GRB10: variants seen among roughly 807,000 people sequenced by gnomAD.
GRB10 encodes the protein growth factor receptor bound protein 10.
GRB10 carries 20 observed loss-of-function variants against 80.9 expected under a neutral mutation model. The observed-to-expected ratio is 0.25, with a 90% CI of 0.17 to 0.36. The LOEUF (loss-of-function observed/expected upper bound fraction) is 0.36. GRB10 is among the 10% of genes least tolerant of loss of function. The pLI is 1.00. For missense variants in GRB10, 548 were observed against 747.7 expected (o/e 0.73, Z 3.12); for synonymous variants, 291 against 291.5 (o/e 1.00, Z 0.02).
intron 5 of GRB10, among the ~76,000 whole-genome samples, chr7:50,686,540 A>G (rs1033150097): frequency 6.6e-6 from 1 of 152,232 alleles, no homozygotes; most frequent in African/African-American, 2.4e-5. Context: ...TTTGATGAAC[A>G]AAGTATGGAA....
intron 7 of GRB10, among the ~76,000 whole-genome samples, chr7:50,657,290 CAG>C (rs2058741058): frequency 6.6e-6 from 1 of 152,226 alleles, no homozygotes; most frequent in South Asian, 2.1e-4. Context: ...GTTCAATGGT[CAG>C]AGTCAAAAGG....
chr7:50,729,995 G>C (rs557594243), intron 4 of GRB10, among the ~76,000 whole-genome samples: 1 of 152,114 alleles, frequency 6.6e-6, no homozygotes, highest in South Asian at 2.1e-4. Flanking sequence ...CCAGGCGCCG[G>C]GTAATTTAGA....
chr7:50,775,795 T>C (rs186945945), intron 2 of GRB10, among the ~76,000 whole-genome samples: 4 of 152,360 alleles, frequency 2.6e-5, no homozygotes, highest in Admixed American at 2.6e-4. Flanking sequence ...CTTAGCGCCA[T>C]GTGGATGCCA....
At chr7:50,657,915 T>A (rs1386733311) in intron 7 of GRB10, among the ~76,000 whole-genome samples, 1 of 152,184 alleles carries the variant, frequency 6.6e-6, no homozygotes, top group African/African-American at 2.4e-5. Context: ...ACATTTTTAT[T>A]ACTCAAACTA....
chr7:50,751,714 T>C (rs781770295), intron 3 of GRB10, among the ~76,000 whole-genome samples: 9 of 152,244 alleles, frequency 5.9e-5, no homozygotes, highest in Non-Finnish European at 1.3e-4. Flanking sequence ...CTCAATGTAT[T>C]GTATCTAAAT....
At chr7:50,655,963 G>A (rs1347344972) in intron 7 of GRB10, among the ~76,000 whole-genome samples, 2 of 152,224 alleles carry the variant, frequency 1.3e-5, no homozygotes, top group African/African-American at 4.8e-5. Context: ...CTGTGATAAT[G>A]TGCCTCTATA....
intron 7 of GRB10, among the ~76,000 whole-genome samples, chr7:50,665,325 C>G (rs2059687108): frequency 6.6e-6 from 1 of 152,250 alleles, no homozygotes; most frequent in Non-Finnish European, 1.5e-5. Flanking sequence ...TAAATATTAA[C>G]AAGCCAAAAC....
At chr7:50,676,335 C>CGGGGGGGGGGGG (rs3040026) in intron 5 of GRB10, among the ~76,000 whole-genome samples, 32 of 93,200 alleles carry the variant, frequency 3.4e-4, no homozygotes, top group Non-Finnish European at 6.3e-4. Context: ...TCCACCCCAC[C>CGGGGGGGGGGGG]GGGGGGGGGG....
At position 50,756,482 on chromosome 7, in the gene GRB10, G is replaced by A. The variant is rs565508749; in HGVS notation, c.-216-426C>T. On this transcript the variant is annotated intron_variant, in intron 2 of 18. Coordinates refer to ENST00000401949, the MANE Select transcript of GRB10 (RefSeq NM_001350814.2). The stretch of plus-strand genomic sequence containing the variant: ...GGAACCTGCCTCCATGTCAGACCTG[G>A]CCCCAGCCCACAATGCCTGGTACTG... Among the ~76,000 whole-genome samples the A allele has an allele frequency of 1.7e-4, 26 of 152,330 alleles. No homozygotes were observed. The South Asian group carries it at 5.4e-3, about 32-fold the overall frequency.
intron 4 of GRB10, among the ~76,000 whole-genome samples, chr7:50,705,559 G>A (rs1406056544): frequency 1.3e-5 from 2 of 152,166 alleles, no homozygotes; most frequent in South Asian, 4.1e-4. Context: ...GTGCATCTGT[G>A]CAATGTTTGA....
chr7:50,712,048 C>G (rs2065973140), intron 4 of GRB10, among the ~76,000 whole-genome samples: 1 of 151,900 alleles, frequency 6.6e-6, no homozygotes, highest in Non-Finnish European at 1.5e-5. Flanking sequence ...ATCTGTCACT[C>G]AGAGAATTCC....
chr7:50,664,318 T>G (rs2059578801), intron 7 of GRB10, among the ~76,000 whole-genome samples: 1 of 152,170 alleles, frequency 6.6e-6, no homozygotes, highest in Non-Finnish European at 1.5e-5. Flanking sequence ...TCTCAGAGCC[T>G]TCTGAACTTC....
At chr7:50,758,020 C>G (rs1057074947) in intron 2 of GRB10, among the ~76,000 whole-genome samples, 23 of 151,972 alleles carry the variant, frequency 1.5e-4, no homozygotes, top group African/African-American at 5.6e-4. Context: ...CCATTTTTGT[C>G]TATTTTCTAG....
intron 17 of GRB10, among the ~76,000 whole-genome samples, chr7:50,599,967 G>A (rs569673962): frequency 7.2e-5 from 11 of 152,210 alleles, no homozygotes; most frequent in African/African-American, 1.7e-4. Context: ...AAACATCTTC[G>A]CCTCGGGATG....
At chr7:50,722,863 G>A (rs2153686127) in intron 4 of GRB10, among the ~76,000 whole-genome samples, 1 of 152,108 alleles carries the variant, frequency 6.6e-6, no homozygotes, top group Middle Eastern at 3.4e-3. Context: ...ACCCACCTTA[G>A]GTAAAGATAG....
chr7:50,712,260 T>G (rs954861226), intron 4 of GRB10, among the ~76,000 whole-genome samples: 28 of 152,228 alleles, frequency 1.8e-4, no homozygotes, highest in African/African-American at 6.8e-4. Context: ...ACTGCCTGTT[T>G]TGATATTACA....
intron 4 of GRB10, chr7:50,705,196 T>TG (rs373132625): frequency 1.8e-5 from 18 of 985,702 alleles, no homozygotes; most frequent in Non-Finnish European, 2.0e-5. Context: ...CCACTCACAA[T>TG]GGGGGGAAGC....
chr7:50,595,121 C>T (rs1212163672), intron 18 of GRB10, among the ~76,000 whole-genome samples: 1 of 151,886 alleles, frequency 6.6e-6, no homozygotes, highest in African/African-American at 2.4e-5. Context: ...CAGCTGTGGG[C>T]CCTCAGCTAA....
At chr7:50,610,677 G>T (rs1563147262) in intron 13 of GRB10, among the ~76,000 whole-genome samples, 1 of 152,196 alleles carries the variant, frequency 6.6e-6, no homozygotes, top group Non-Finnish European at 1.5e-5. Context: ...CACAAAATGA[G>T]GATGATAATA....
Sources: allele counts gnomAD v4.1 joint callset (sites outside exome capture counted in the v4.1 genomes callset), GRCh38; gene constraint gnomAD v4.1.1; transcripts MANE v1.5; gene names NCBI Gene and HGNC (gene_info 2026-07-23, HGNC 2026-07-21).